Variants in CCDC146 observed in about 807,000 individuals in gnomAD.
CCDC146 encodes the protein coiled-coil domain-containing protein 146.
A neutral mutation model predicts 119.3 loss-of-function variants in CCDC146; 92 were observed. The ratio of observed to expected loss-of-function variants is 0.77; its 90% CI spans 0.65 to 0.92. The LOEUF (loss-of-function observed/expected upper bound fraction) is 0.92. CCDC146 is among the 40% of genes least tolerant of loss of function. CCDC146 has a pLI of 0.00. For missense variants in CCDC146, 1,000 were observed against 1,103.0 expected, an observed-to-expected ratio of 0.91 and a Z score of 1.32; for synonymous variants, 372 against 371.8, an observed-to-expected ratio of 1.00 and a Z score of -0.01.
At chr7:77,218,848 A>G (rs1325366353) in intron 2 of CCDC146, among the ~76,000 whole-genome samples, 1 of 152,086 alleles carries the variant, frequency 6.6e-6, no homozygotes, top group African/African-American at 2.4e-5. Flanking sequence ...CTGGGATTAT[A>G]GACATGAGCC....
intron 2 of CCDC146, among the ~76,000 whole-genome samples, chr7:77,185,040 G>A (rs1241125989): frequency 6.6e-6 from 1 of 151,956 alleles, no homozygotes; most frequent in African/African-American, 2.4e-5. Context: ...CGCTGAAAAT[G>A]GATAATTATC....
intron 9 of CCDC146, among the ~76,000 whole-genome samples, chr7:77,272,176 C>T (rs1447789322): frequency 1.3e-5 from 2 of 152,226 alleles, no homozygotes; most frequent in Non-Finnish European, 2.9e-5. Flanking sequence ...ACTGAGTTCT[C>T]CCTTTTCTGA....
intron 2 of CCDC146, among the ~76,000 whole-genome samples, chr7:77,217,672 T>G (rs933157663): frequency 1.1e-4 from 17 of 152,038 alleles, no homozygotes; most frequent in African/African-American, 3.4e-4. Flanking sequence ...ATTTAATCAT[T>G]GCGCAAACAT....
intron 2 of CCDC146, among the ~76,000 whole-genome samples, chr7:77,235,931 C>T (rs767636748): frequency 5.9e-5 from 9 of 151,976 alleles, no homozygotes; most frequent in East Asian, 1.9e-4. Flanking sequence ...ATTAGCTGGG[C>T]GTGGTGGTGT....
chr7:77,254,783 G>A (rs1426227850), intron 5 of CCDC146, among the ~76,000 whole-genome samples: 2 of 152,130 alleles, frequency 1.3e-5, no homozygotes, highest in Non-Finnish European at 2.9e-5. Context: ...AATTTAGGCT[G>A]TATTTAGTTG....
chr7:77,176,248 C>T (rs1791497912), intron 2 of CCDC146, among the ~76,000 whole-genome samples: 1 of 151,176 alleles, frequency 6.6e-6, no homozygotes, highest in Non-Finnish European at 1.5e-5. Context: ...TTGTTAATAT[C>T]TCTTGAATTT....
chr7:77,279,350 C>G (rs1445973491), intron 13 of CCDC146, among the ~76,000 whole-genome samples: 3 of 152,088 alleles, frequency 2.0e-5, no homozygotes, highest in African/African-American at 7.2e-5. Context: ...GTTCAAACAT[C>G]TTGTTTTATA....
intron 9 of CCDC146, among the ~76,000 whole-genome samples, chr7:77,266,970 T>A (rs960090774): frequency 1.3e-5 from 2 of 150,190 alleles, no homozygotes; most frequent in Non-Finnish European, 2.9e-5. Context: ...TAGCTCCCTG[T>A]AGTGATGATA....
intron 4 of CCDC146, among the ~76,000 whole-genome samples, chr7:77,252,021 T>C (rs779835037): frequency 2.0e-5 from 3 of 152,036 alleles, no homozygotes; most frequent in Admixed American, 6.5e-5. Context: ...TGGTGGCACG[T>C]GCCTATGGTC....
In CCDC146 at chr7:77,231,012, G is replaced by A. The variant is rs185254083; in HGVS notation, c.157-5935G>A. The stretch of plus-strand genomic sequence containing the variant: ...CAAAAATATTAAGTGGAAAATTCCA[G>A]AAGTAAACAATCCATAAGTTTAAAT... On this transcript the variant is annotated intron_variant, in intron 2 of 18. Coordinates refer to ENST00000285871, the MANE Select transcript of CCDC146 (RefSeq NM_020879.3). Among the ~76,000 whole-genome samples, 78 of 152,302 alleles carry A rather than the reference G, an allele frequency of 5.1e-4. 1 individual carries two copies. The highest frequency in any genetic ancestry group is 4.4e-5 in the Non-Finnish European group (3 of 68,034).
At chr7:77,144,777 A>G (rs1394801904) in intron 1 of CCDC146, among the ~76,000 whole-genome samples, 1 of 151,810 alleles carries the variant, frequency 6.6e-6, no homozygotes. Flanking sequence ...CCACTTGATC[A>G]TGGTGGATAA....
intron 9 of CCDC146, among the ~76,000 whole-genome samples, chr7:77,271,064 A>C (rs1003958699): frequency 2.0e-5 from 3 of 151,986 alleles, no homozygotes; most frequent in Non-Finnish European, 4.4e-5. Flanking sequence ...AAAAAAAAAA[A>C]AAAAACAGCA....
At chr7:77,259,869 T>C (rs1793254874) in intron 7 of CCDC146, 140 bp from the exon 8 acceptor site, 1 of 635,528 alleles carries the variant, frequency 1.6e-6, no homozygotes, top group African/African-American at 1.8e-5. Context: ...ATTGAATTTA[T>C]GACTATCTCT....
intron 1 of CCDC146, among the ~76,000 whole-genome samples, chr7:77,143,600 G>A (rs1291194678): frequency 1.3e-5 from 2 of 152,018 alleles, no homozygotes; most frequent in African/African-American, 2.4e-5. Flanking sequence ...GGTATAAGGT[G>A]TAAGGAAGGG....
At chr7:77,202,672 A>C (rs968781300) in intron 2 of CCDC146, among the ~76,000 whole-genome samples, 1 of 152,208 alleles carries the variant, frequency 6.6e-6, no homozygotes, top group Non-Finnish European at 1.5e-5. Context: ...CTACTGCATG[A>C]AAAGAGGCTC....
chr7:77,260,009 A>G lies in CCDC146; in HGVS notation c.759A>G (p.Val253=). The G allele has an allele frequency of 1.3e-6, 2 of 1,574,176 alleles. No homozygotes were observed. Among genetic ancestry groups the G allele is most frequent in the Non-Finnish European group, 1.7e-6 (2 of 1,147,368 alleles). The change falls in exon 8 of 19, where the codon GTA becomes GTG. Residue 253 remains valine (V), a splice_region_variant and synonymous_variant. Transcript: ENST00000285871. Reference sequence around the variant, plus strand: ...GTGTGTGTGTGTGTATCCCCTACAGAGAAATGGAAAAGAAAAAAATTGTCT... The same window carrying G: ...GTGTGTGTGTGTGTATCCCCTACAGGGAAATGGAAAAGAAAAAAATTGTCT... ...KEIEKITRKK[V]EMEKKKIVLE...
Position 77,259,059 on chromosome 7 carries a change from GC to G in CCDC146, c.750del (p.Val253Ter), listed in dbSNP as rs1562851201. ...QIGKEIEKIT[R>X]KKVEMEKKKI... is the part of the protein sequence containing the mutation. The stretch of plus-strand genomic sequence containing the variant: ...GGAAAAGAGATAGAAAAAATAACAC[GC>G]AAAAAAGTGTATGATTTAATATTTT... On this transcript the variant is annotated frameshift_variant, in exon 7 of 19. Transcript: ENST00000285871. LOFTEE classifies it high-confidence loss of function. 1 of 1,595,866 alleles carries G rather than the reference GC, an allele frequency of 6.3e-7. No homozygotes were observed. Among genetic ancestry groups the G allele is most frequent in the Non-Finnish European group, 8.6e-7 (1 of 1,164,864 alleles).
intron 9 of CCDC146, among the ~76,000 whole-genome samples, chr7:77,271,505 T>A (rs1304922135): frequency 6.5e-5 from 6 of 92,082 alleles, no homozygotes; most frequent in Admixed American, 1.2e-4. Context: ...ACACACACAC[T>A]AATAGGAGAT....
At chr7:77,280,828 C>A (rs772012388) in intron 14 of CCDC146, among the ~76,000 whole-genome samples, 175 bp downstream of exon 14, 1 of 152,134 alleles carries the variant, frequency 6.6e-6, no homozygotes, top group Non-Finnish European at 1.5e-5. Flanking sequence ...ACTGTCCTCA[C>A]GCTGGGCACA....
Sources: gnomAD v4.1 joint callset for allele counts (sites outside exome capture counted in the v4.1 genomes callset) on GRCh38, gnomAD v4.1.1 for gene constraint, MANE v1.5 for transcripts, NCBI Gene and HGNC (gene_info 2026-07-23, HGNC 2026-07-21) for gene names.